TMEM123: variants seen among roughly 807,000 people sequenced by gnomAD.
TMEM123 encodes porimin.
TMEM123 carries 16 observed loss-of-function variants against 19.7 expected under a neutral mutation model. The observed-to-expected ratio is 0.81, with a 90% CI of 0.55 to 1.23. The LOEUF is 1.23. Among genes scored for constraint, TMEM123 ranks in the 50% most tolerant of loss-of-function variants. TMEM123 has a pLI of 0.00. For missense variants in TMEM123, 313 were observed against 257.8 expected, an observed-to-expected ratio of 1.21 and a Z score of -1.47; for synonymous variants, 118 against 99.4, an observed-to-expected ratio of 1.19 and a Z score of -1.12.
intron 4 of TMEM123, among the ~76,000 whole-genome samples, 173 bp downstream of exon 4, chr11:102,401,366 A>G (rs1183867314): frequency 6.6e-6 from 1 of 152,206 alleles, no homozygotes; most frequent in Non-Finnish European, 1.5e-5. Context: ...AATAATTATA[A>G]TCACAAGCTT....
At chr11:102,410,781 C>CT (rs1951997737) in intron 2 of TMEM123, among the ~76,000 whole-genome samples, 1 of 152,000 alleles carries the variant, frequency 6.6e-6, no homozygotes, top group Non-Finnish European at 1.5e-5. Context: ...AGACGTGATC[C>CT]TTATCAGCAT....
At position 102,452,332 on chromosome 11, in the gene TMEM123, C is replaced by T. The variant is rs1478399102; in HGVS notation, c.100+192G>A. On this transcript the variant is annotated intron_variant, in intron 1 of 4. Transcript: ENST00000398136. ...AGCACCAGGCAATTTCCTCAGCAGG[C>T]GGCCCCGGGGCCAGCGGGTGACTGG... The T allele has an allele frequency of 7.4e-5, 31 of 419,296 alleles. No individual in the cohort carries two copies. In the East Asian group the frequency reaches 1.1e-3, roughly 15 times the overall value. The allele number at this position is 419,296 out of a possible 1,614,324, so 26.0% of individuals were successfully genotyped here.
intron 2 of TMEM123, among the ~76,000 whole-genome samples, chr11:102,402,795 GTAA>G (rs1951924772): frequency 6.6e-6 from 1 of 152,168 alleles, no homozygotes; most frequent in East Asian, 1.9e-4. Flanking sequence ...TGTCATACTG[GTAA>G]TAATAATTTC....
At chr11:102,436,491 A>C (rs1857764134) in intron 2 of TMEM123, among the ~76,000 whole-genome samples, 1 of 151,980 alleles carries the variant, frequency 6.6e-6, no homozygotes, top group South Asian at 2.1e-4. Context: ...AATAAATGTA[A>C]TTCAAAGCCA....
intron 2 of TMEM123, chr11:102,448,128 C>A: frequency 2.4e-6 from 1 of 417,350 alleles, no homozygotes; most frequent in Admixed American, 2.7e-5. Flanking sequence ...GTAAACAAAA[C>A]AAGTTAGTGA....
chr11:102,421,975 T>C (rs76041889), intron 2 of TMEM123, among the ~76,000 whole-genome samples: 240 of 152,326 alleles, frequency 1.6e-3, no homozygotes, highest in African/African-American at 5.6e-3. Flanking sequence ...CACTTTAACT[T>C]AGGTCTTTGA....
chr11:102,452,121 C>G lies in TMEM123; in HGVS notation c.100+403G>C, dbSNP rs199973460. On this transcript the variant is annotated intron_variant, in intron 1 of 4. Coordinates refer to ENST00000398136, the MANE Select transcript of TMEM123 (RefSeq NM_052932.3). ...CTCCCCGACTAACTGGGAGACGTTT[C>G]CGCGGGCCTAGGTAGACATATTTTT... is the stretch of plus-strand genomic sequence containing the variant. The G allele has an allele frequency of 1.9e-4, 31 of 160,578 alleles. No homozygotes were observed. The East Asian group carries it at 4.1e-3, about 21-fold the overall frequency. The allele number at this position is 160,578 out of a possible 1,614,324, so 9.9% of individuals were successfully genotyped here.
chr11:102,437,163 ATCTCT>A (rs1350821177), intron 2 of TMEM123, among the ~76,000 whole-genome samples: 1 of 152,002 alleles, frequency 6.6e-6, no homozygotes, highest in East Asian at 1.9e-4. Flanking sequence ...CTCACTGTTT[ATCTCT>A]TCTAACACCC....
intron 1 of TMEM123, chr11:102,452,098 C>A (rs1285437732): frequency 1.9e-5 from 3 of 156,272 alleles, no homozygotes; most frequent in Non-Finnish European, 4.2e-5. Context: ...TTGAAAAGCT[C>A]CCCGACTAAC....
At chr11:102,439,223 C>G (rs112665549) in intron 2 of TMEM123, among the ~76,000 whole-genome samples, 147 of 152,276 alleles carry the variant, frequency 9.7e-4, no homozygotes, top group Middle Eastern at 3.4e-3. Flanking sequence ...ACTTGCTTGT[C>G]TGACAGCTTT....
At position 102,398,780 on chromosome 11, in the gene TMEM123, G is replaced by A; in HGVS notation, c.*87C>T. Reference sequence around the variant, plus strand: ...GGCCTGTTTATACTATTTTCAAAAAGAGAATATTGTTTTAAACTATTAATA... The same window carrying A: ...GGCCTGTTTATACTATTTTCAAAAAAAGAATATTGTTTTAAACTATTAATA... On this transcript the variant is annotated 3_prime_UTR_variant, in exon 5 of 5. Coordinates refer to ENST00000398136, the MANE Select transcript of TMEM123 (RefSeq NM_052932.3). 1.5e-6 allele frequency: 2 copies of A among 1,347,170 alleles called. No homozygotes were observed. The highest frequency in any genetic ancestry group is 2.3e-5 in the East Asian group (1 of 43,194). The allele number at this position is 1,347,170 out of a possible 1,614,324, so 83.5% of individuals were successfully genotyped here. A position where few individuals can be genotyped will look rare whatever the true frequency, so the allele number is the denominator to read the frequency against.
rs745847105 is a variant in TMEM123 at position 102,402,214 on chromosome 11, A to C, written c.158-8T>G. ...GCACATGTTGGAGAGTCTCTGCAAT[A>C]ATATCAAGAAACATTAAAACCAGAG... On this transcript the variant is annotated splice_region_variant and splice_polypyrimidine_tract_variant and intron_variant, in intron 2 of 4. Coordinates refer to ENST00000398136, the MANE Select transcript of TMEM123 (RefSeq NM_052932.3). The C allele has an allele frequency of 1.2e-6, 2 of 1,610,038 alleles. No individual in the cohort carries two copies.
rs1465554957 is a variant in TMEM123, at chr11:102,409,859, C to T, written c.158-7653G>A. On this transcript the variant is annotated intron_variant, in intron 2 of 4. Coordinates refer to ENST00000398136, the MANE Select transcript of TMEM123 (RefSeq NM_052932.3). ...CAGCCTGGGTGACAGAGCAAGACTC[C>T]GTCACAAACAAACAAACAAACTAGA... 3.3e-5 allele frequency among the ~76,000 whole-genome samples: 5 copies of T among 149,366 alleles called. No individual in the cohort carries two copies. In the East Asian group the frequency reaches 7.8e-4, roughly 23 times the overall value.
At chr11:102,408,833 T>C (rs1951978120) in intron 2 of TMEM123, among the ~76,000 whole-genome samples, 1 of 152,142 alleles carries the variant, frequency 6.6e-6, no homozygotes, top group Non-Finnish European at 1.5e-5. Flanking sequence ...AAGAAGAAAG[T>C]GAGGCCCAGA....
chr11:102,451,397 C>T (rs1427417155), intron 1 of TMEM123, among the ~76,000 whole-genome samples: 2 of 152,136 alleles, frequency 1.3e-5, no homozygotes, highest in African/African-American at 2.4e-5. Flanking sequence ...GTTTGTCACA[C>T]GCACAATTAA....
At chr11:102,434,545 T>C (rs1434071334) in intron 2 of TMEM123, among the ~76,000 whole-genome samples, 1 of 151,996 alleles carries the variant, frequency 6.6e-6, no homozygotes, top group Non-Finnish European at 1.5e-5. Flanking sequence ...GTATGATGTC[T>C]CTTCATTCTG....
chr11:102,426,281 T>C (rs906209205), intron 2 of TMEM123, among the ~76,000 whole-genome samples: 8 of 152,286 alleles, frequency 5.3e-5, no homozygotes, highest in East Asian at 1.9e-4. Context: ...TTAACAATAA[T>C]AACAGTTAAC....
chr11:102,426,969 A>G (rs1952133757), intron 2 of TMEM123, among the ~76,000 whole-genome samples: 1 of 142,764 alleles, frequency 7.0e-6, no homozygotes, highest in Non-Finnish European at 1.5e-5. Flanking sequence ...TAGTTGGGAT[A>G]TTGCCAAACC....
intron 2 of TMEM123, among the ~76,000 whole-genome samples, chr11:102,421,781 T>C (rs1256795571): frequency 6.6e-6 from 1 of 152,156 alleles, no homozygotes. Context: ...AAGCAAATAT[T>C]GAACATATGC....
Sources: gnomAD v4.1 joint callset for allele counts (sites outside exome capture counted in the v4.1 genomes callset) on GRCh38, gnomAD v4.1.1 for gene constraint, MANE v1.5 for transcripts, NCBI Gene and HGNC (gene_info 2026-07-23, HGNC 2026-07-21) for gene names.